The following PARP4 variants were observed in gnomAD, a reference collection of about 807,000 sequenced individuals.
PARP4 encodes protein mono-ADP-ribosyltransferase PARP4.
A neutral mutation model predicts 187.7 loss-of-function variants in PARP4; 120 were observed. The ratio of observed to expected loss-of-function variants is 0.64; its 90% CI spans 0.55 to 0.74. The LOEUF is 0.74. Among genes scored for constraint, PARP4 ranks in the 30% least tolerant of loss-of-function variants. The probability of loss-of-function intolerance (pLI) is 0.00; values close to 1 mark genes in which losing one functional copy is unlikely to be tolerated. For missense variants in PARP4, 1,836 were observed against 2,070.5 expected (o/e 0.89, Z 2.20); for synonymous variants, 654 against 740.9 (o/e 0.88, Z 1.90).
chr13:24,434,969 G>T lies in PARP4; in HGVS notation c.4172C>A (p.Pro1391Gln). 1.2e-6 allele frequency: 2 copies of T among 1,613,860 alleles called. No individual in the cohort carries two copies. The highest frequency in any genetic ancestry group is 2.2e-5 in the South Asian group (2 of 91,058). The change falls in exon 31 of 34, where the codon CCA (proline) becomes CAA (glutamine). Residue 1391 changes from proline (P) to glutamine (Q), a missense_variant. Transcript: ENST00000381989. ...ASCPTGPPQNPPSSPYCGIVF... is the reference protein window; with the variant it reads ...ASCPTGPPQNQPSSPYCGIVF... ...AATGCCACAATAGGGTGAAGAAGGT[G>T]GGTTCTGGGGAGGTCCTGTGGGACA...
At chr13:24,456,693 G>A (rs763029698) in intron 20 of PARP4, among the ~76,000 whole-genome samples, 1 of 152,142 alleles carries the variant, frequency 6.6e-6, no homozygotes, top group South Asian at 2.1e-4. Context: ...GGTGGGTGGA[G>A]TTTGAGGCCA....
chr13:24,426,716 C>G (rs919543790), intron 32 of PARP4, 118 bp from the exon 33 acceptor site: 27 of 899,486 alleles, frequency 3.0e-5, no homozygotes, highest in Non-Finnish European at 4.2e-5. Context: ...AATGAAACTC[C>G]ATCTCTGCTA....
At chr13:24,438,731 G>C (rs569892763) in intron 30 of PARP4, among the ~76,000 whole-genome samples, 2 of 152,236 alleles carry the variant, frequency 1.3e-5, no homozygotes, top group South Asian at 4.1e-4. Context: ...CAGCAGAAAA[G>C]GTGTTGCGCT....
At chr13:24,476,978 C>T (rs1566009974) in intron 14 of PARP4, among the ~76,000 whole-genome samples, 1 of 152,144 alleles carries the variant, frequency 6.6e-6, no homozygotes, top group South Asian at 2.1e-4. Flanking sequence ...GGTGGCAGGG[C>T]GACACTCAAA....
rs569011574 is a variant in PARP4, at chr13:24,447,960, A to T, written c.3115-774T>A. On this transcript the variant is annotated intron_variant, in intron 25 of 33. Coordinates refer to ENST00000381989, the MANE Select transcript of PARP4 (RefSeq NM_006437.4). ...AGTGGCTCATGCCTGTAATCCCAGC[A>T]CTTTGGGAGGCCAAGGCAGGCAGAT... is the stretch of plus-strand genomic sequence containing the variant. Among the ~76,000 whole-genome samples the T allele has an allele frequency of 3.5e-3, 533 of 152,300 alleles. 1 individual carries two copies. The highest frequency in any genetic ancestry group is 5.8e-3 in the Non-Finnish European group (397 of 68,028).
rs1593593985 is a variant in PARP4, at chr13:24,440,098, T to C, written c.3666+1748A>G. ...TGCCCATGGTTCAAAATTCAAAATA[T>C]ACAAAAGGGTGCACTGTAAGAAAGC... On this transcript the variant is annotated intron_variant, in intron 30 of 33. Transcript: ENST00000381989. Among the ~76,000 whole-genome samples the C allele has an allele frequency of 2.6e-5, 4 of 152,216 alleles. No individual in the cohort carries two copies. In the South Asian group the frequency reaches 8.3e-4, roughly 32 times the overall value.
chr13:24,452,301 T>C, intron 24 of PARP4, 105 bp downstream of exon 24: 1 of 894,598 alleles, frequency 1.1e-6, no homozygotes. Context: ...GCTGTAAGGC[T>C]TCTGTATTCT....
rs1002235264 is a variant in PARP4, at chr13:24,452,534, T to C, written c.2886A>G (p.Leu962=). 4 of 1,614,118 alleles carry C rather than the reference T, an allele frequency of 2.5e-6. No individual in the cohort carries two copies. Among genetic ancestry groups the C allele is most frequent in the Non-Finnish European group, 3.4e-6 (4 of 1,179,988 alleles). ...TCCGTGACCCTCGAGCAGGGTACAATAAGCTAAGATATCGGAGTGTTTTCC... is the reference window on the plus strand; with the variant it reads ...TCCGTGACCCTCGAGCAGGGTACAACAAGCTAAGATATCGGAGTGTTTTCC... ...DFWKTLRYLS[L]LYPARGSRNI... The change falls in exon 24 of 34, where the codon TTA becomes TTG. Residue 962 remains leucine (L), a synonymous_variant. Coordinates refer to ENST00000381989, the MANE Select transcript of PARP4 (RefSeq NM_006437.4).
At chr13:24,451,592 C>T (rs746933119) in intron 24 of PARP4, among the ~76,000 whole-genome samples, 31 of 152,166 alleles carry the variant, frequency 2.0e-4, no homozygotes, top group Non-Finnish European at 4.3e-4. Flanking sequence ...AGCAAAGAGG[C>T]CCCCATTCTG....
At chr13:24,460,940 T>C (rs1872190104) in intron 17 of PARP4, among the ~76,000 whole-genome samples, 3 of 152,198 alleles carry the variant, frequency 2.0e-5, no homozygotes, top group African/African-American at 7.2e-5. Context: ...GTGCTGGGAT[T>C]ACAGGTGTGA....
chr13:24,459,093 G>A lies in PARP4; in HGVS notation c.2375C>T (p.Pro792Leu), dbSNP rs4986818. Residue 792 changes from proline to leucine, a missense_variant, in exon 20 of 34, where the codon CCG becomes CTG. Pro to Leu is a moderately conservative substitution (Grantham distance 98). Coordinates refer to ENST00000381989, the MANE Select transcript of PARP4 (RefSeq NM_006437.4). ...ACTGAAAATGAATTCAATCACATAC[G>A]GCATCTCAATAGACATAGTCAAAGA... is the stretch of plus-strand genomic sequence containing the variant. ...SFSLTMSIEM[P>L]YVIEFIFSDT... The A allele has an allele frequency of 2.5e-4, 395 of 1,610,204 alleles. 1 individual carries two copies. Among genetic ancestry groups the A allele is most frequent in the African/African-American group, 2.2e-3 (164 of 74,818 alleles).
In PARP4 at chr13:24,489,540, C is replaced by T. The variant is rs533499167; in HGVS notation, c.1214+1128G>A. Among the ~76,000 whole-genome samples the T allele has an allele frequency of 2.6e-3, 401 of 152,226 alleles. 4 individuals are homozygous for T. The highest frequency in any genetic ancestry group is 9.2e-3 in the African/African-American group (384 of 41,538). ...AGGAGAATGGCGTGAACCTGGGAGG[C>T]AGAGCTTGCAGTGAGCCGAGATCGC... On this transcript the variant is annotated intron_variant, in intron 10 of 33. Transcript: ENST00000381989.
At chr13:24,505,030 G>T (rs1279299363) in intron 1 of PARP4, among the ~76,000 whole-genome samples, 1 of 144,298 alleles carries the variant, frequency 6.9e-6, no homozygotes, top group Non-Finnish European at 1.5e-5. Context: ...TTGAGTCAGG[G>T]TCTCACTCTG....
At chr13:24,442,245 C>T (rs143859649) in intron 29 of PARP4, among the ~76,000 whole-genome samples, 1,962 of 85,656 alleles carry the variant, frequency 0.023, 2 homozygotes, top group Middle Eastern at 0.065. Flanking sequence ...CAGGCCTTTT[C>T]GGCCTTTTCT....
At chr13:24,441,120 C>A (rs987543690) in intron 30 of PARP4, among the ~76,000 whole-genome samples, 31 of 151,940 alleles carry the variant, frequency 2.0e-4, no homozygotes, top group African/African-American at 7.3e-4. Flanking sequence ...TCGTCTGCTG[C>A]CTCAGCCTCC....
intron 15 of PARP4, 110 bp downstream of exon 15, chr13:24,475,362 T>C (rs762469828): frequency 9.1e-5 from 98 of 1,074,076 alleles, no homozygotes; most frequent in Non-Finnish European, 1.3e-4. Flanking sequence ...TTGAATAAAA[T>C]ACATTTTAGA....
rs147285174 is a variant in PARP4 at position 24,497,540 on chromosome 13, G to A, written c.591+576C>T. Among the ~76,000 whole-genome samples the A allele has an allele frequency of 7.2e-3, 1,101 of 152,210 alleles. 5 individuals are homozygous for A. Among genetic ancestry groups the A allele is most frequent in the Middle Eastern group, 0.017 (5 of 294 alleles). On this transcript the variant is annotated intron_variant, in intron 6 of 33. Transcript: ENST00000381989. ...CACCCAGTAAACATTCCCTTCTAGC[G>A]GGACCCTGTGCTGATCTACTCAGGG...
At position 24,498,365 on chromosome 13, in the gene PARP4, A is replaced by T. The variant is rs1869078052; in HGVS notation, c.478-136T>A. The T allele has an allele frequency of 8.5e-6, 5 of 591,628 alleles. No individual in the cohort carries two copies. In the South Asian group the frequency reaches 1.1e-4, roughly 13 times the overall value. The allele number at this position is 591,628 out of a possible 1,614,324, so 36.6% of individuals were successfully genotyped here. ...TTAGAAAATATAGAAAAGTATCAAGAAGAAAATTAAAATCTCCTAAAATCC... is the reference window on the plus strand; with the variant it reads ...TTAGAAAATATAGAAAAGTATCAAGTAGAAAATTAAAATCTCCTAAAATCC... On this transcript the variant is annotated intron_variant, in intron 5 of 33. Coordinates refer to ENST00000381989, the MANE Select transcript of PARP4 (RefSeq NM_006437.4).
At chr13:24,482,621 T>C (rs542514824) in intron 12 of PARP4, among the ~76,000 whole-genome samples, 30 of 151,462 alleles carry the variant, frequency 2.0e-4, no homozygotes, top group African/African-American at 2.9e-4. Context: ...GGATTTTTAG[T>C]AATAAAGTAA....
Sources: gnomAD v4.1 joint callset for allele counts (sites outside exome capture counted in the v4.1 genomes callset) on GRCh38, gnomAD v4.1.1 for gene constraint, MANE v1.5 for transcripts, NCBI Gene and HGNC (gene_info 2026-07-23, HGNC 2026-07-21) for gene names.